The following OXCT1 variants were observed in gnomAD, a reference collection of about 807,000 sequenced individuals.
The protein encoded by OXCT1 is succinyl-CoA:3-ketoacid coenzyme A transferase 1, mitochondrial.
In OXCT1, 27 loss-of-function variants were observed where a neutral mutation model predicts 69.6. That is an observed-to-expected ratio of 0.39 (90% CI 0.29 to 0.54). The LOEUF (loss-of-function observed/expected upper bound fraction) is 0.54. OXCT1 is among the 20% of genes least tolerant of loss of function. OXCT1 has a pLI of 0.72. For missense variants in OXCT1, 437 were observed against 650.2 expected (o/e 0.67, Z 3.57); for synonymous variants, 202 against 217.8 (o/e 0.93, Z 0.64).
chr5:41,798,483 C>A (rs375566246), intron 11 of OXCT1, among the ~76,000 whole-genome samples: 4 of 152,156 alleles, frequency 2.6e-5, no homozygotes, highest in Admixed American at 6.5e-5. Context: ...AGATGTTACT[C>A]CCCCAGGTGT....
At chr5:41,848,711 T>A (rs894871293) in intron 5 of OXCT1, among the ~76,000 whole-genome samples, 12 of 151,748 alleles carry the variant, frequency 7.9e-5, no homozygotes, top group Non-Finnish European at 7.4e-5. Context: ...TAAATGGTGC[T>A]GGGAAAACTG....
At chr5:41,844,450 C>A (rs1473371190) in intron 5 of OXCT1, among the ~76,000 whole-genome samples, 1 of 151,978 alleles carries the variant, frequency 6.6e-6, no homozygotes, top group Non-Finnish European at 1.5e-5. Context: ...GCCAGATGCC[C>A]CTGGGTTTCT....
intron 14 of OXCT1, among the ~76,000 whole-genome samples, chr5:41,749,877 C>A (rs1743681081): frequency 6.6e-6 from 1 of 152,068 alleles, no homozygotes; most frequent in African/African-American, 2.4e-5. Context: ...CAAGCCTCAG[C>A]CCTTGTATCA....
chr5:41,778,068 G>A (rs1464623449), intron 13 of OXCT1, among the ~76,000 whole-genome samples: 2 of 152,140 alleles, frequency 1.3e-5, no homozygotes, highest in African/African-American at 4.8e-5. Flanking sequence ...AAGCTTATGA[G>A]GAGTCTGTGT....
chr5:41,837,320 G>A (rs1012714017), intron 7 of OXCT1, among the ~76,000 whole-genome samples: 5 of 151,440 alleles, frequency 3.3e-5, no homozygotes, highest in Admixed American at 6.6e-5. Context: ...AAAAAAAGAC[G>A]CCGTTGACTA....
chr5:41,832,894 A>G (rs1358999959), intron 7 of OXCT1, among the ~76,000 whole-genome samples: 1 of 152,218 alleles, frequency 6.6e-6, no homozygotes, highest in Admixed American at 6.5e-5. Flanking sequence ...TCTCTTAAAT[A>G]GCAGAACTGA....
chr5:41,869,171 G>A (rs1176871942), intron 1 of OXCT1, among the ~76,000 whole-genome samples: 1 of 152,176 alleles, frequency 6.6e-6, no homozygotes, highest in Non-Finnish European at 1.5e-5. Context: ...GTCCAGTTCT[G>A]AACCATTCCC....
rs540040167 is a variant in OXCT1 at position 41,803,284 on chromosome 5, A to G, written c.956-121T>C. 77 of 671,368 alleles carry G rather than the reference A, an allele frequency of 1.1e-4. No individual in the cohort carries two copies. In the African/African-American group the frequency reaches 1.2e-3, roughly 11 times the overall value. 41.6% of individuals were successfully genotyped at this position (671,368 alleles called of 1,614,324 possible). On this transcript the variant is annotated intron_variant, in intron 9 of 16. Coordinates refer to ENST00000196371, the MANE Select transcript of OXCT1 (RefSeq NM_000436.4). Reference sequence around the variant, plus strand: ...AAAGGTGGCTTACTCTGAATGTAATAAATGAATATATTCTCCAATCACCCA... The same window carrying G: ...AAAGGTGGCTTACTCTGAATGTAATGAATGAATATATTCTCCAATCACCCA...
chr5:41,760,230 A>G (rs1744281718), intron 14 of OXCT1, among the ~76,000 whole-genome samples: 2 of 152,132 alleles, frequency 1.3e-5, no homozygotes, highest in Admixed American at 6.5e-5. Context: ...GAAACTGTTG[A>G]TTATTTTTCA....
intron 13 of OXCT1, among the ~76,000 whole-genome samples, chr5:41,764,304 A>G (rs1338852566): frequency 6.6e-6 from 1 of 152,178 alleles, no homozygotes; most frequent in Non-Finnish European, 1.5e-5. Flanking sequence ...GAATAAGAAT[A>G]TCTGTCCTAC....
In OXCT1 at chr5:41,766,455, T is replaced by C. The variant is rs577272741; in HGVS notation, c.1249-4255A>G. Reference sequence around the variant, plus strand: ...AAGCTGAAATCAATAATTTCACCTATTTTGATCCTATTTCCTAATACTAGA... The same window carrying C: ...AAGCTGAAATCAATAATTTCACCTACTTTGATCCTATTTCCTAATACTAGA... On this transcript the variant is annotated intron_variant, in intron 13 of 16. Coordinates refer to ENST00000196371, the MANE Select transcript of OXCT1 (RefSeq NM_000436.4). Among the ~76,000 whole-genome samples, 446 of 152,214 alleles carry C rather than the reference T, an allele frequency of 2.9e-3. 3 individuals are homozygous for C. The highest frequency in any genetic ancestry group is 0.014 in the Middle Eastern group (4 of 294).
At position 41,783,903 on chromosome 5, in the gene OXCT1, A is replaced by G. The variant is rs79204194; in HGVS notation, c.1248+10100T>C. On this transcript the variant is annotated intron_variant, in intron 13 of 16. Transcript: ENST00000196371. ...GAAATATTTTCTTTCCTCCTAAAAA[A>G]GACTCAGGTAGCAATCAAAAGGCAA... Among the ~76,000 whole-genome samples, 1,216 of 152,298 alleles carry G rather than the reference A, an allele frequency of 8.0e-3. 17 individuals are homozygous for G. The highest frequency in any genetic ancestry group is 0.028 in the African/African-American group (1,153 of 41,566).
intron 3 of OXCT1, among the ~76,000 whole-genome samples, chr5:41,855,930 G>A (rs941185167): frequency 1.3e-5 from 2 of 152,158 alleles, no homozygotes; most frequent in Non-Finnish European, 2.9e-5. Context: ...GGGTGGAGGT[G>A]TAGAGAAAAA....
At chr5:41,767,722 G>GTATATA (rs367584226) in intron 13 of OXCT1, among the ~76,000 whole-genome samples, 6,160 of 89,392 alleles carry the variant, frequency 0.069, 259 homozygotes, top group African/African-American at 0.094. Context: ...ATATGTGTGT[G>GTATATA]TATATATATA....
intron 7 of OXCT1, among the ~76,000 whole-genome samples, chr5:41,823,473 C>A (rs1194395261): frequency 6.6e-6 from 1 of 152,160 alleles, no homozygotes; most frequent in Non-Finnish European, 1.5e-5. Context: ...TTTTCTACCC[C>A]AGGACTGGTT....
intron 7 of OXCT1, among the ~76,000 whole-genome samples, chr5:41,825,369 G>A (rs1204119847): frequency 6.6e-6 from 1 of 152,064 alleles, no homozygotes; most frequent in East Asian, 1.9e-4. Context: ...TTTCTTCATG[G>A]AATAAACCAC....
Position 41,853,633 on chromosome 5 carries a change from GTTAAT to G in OXCT1, c.279-84_279-80del, listed in dbSNP as rs778597345. The G allele has an allele frequency of 4.8e-6, 7 of 1,461,916 alleles. No homozygotes were observed. In the East Asian group the frequency reaches 1.7e-4, roughly 35 times the overall value. 90.6% of individuals were successfully genotyped at this position (1,461,916 alleles called of 1,614,324 possible). On this transcript the variant is annotated intron_variant, in intron 3 of 16. Transcript: ENST00000196371. ...CATCTTTTTAAAGAGATAAAACTTTGTTAATTTAAAGAAAAATAAATCCTTTCTTA... is the reference window on the plus strand; with the variant it reads ...CATCTTTTTAAAGAGATAAAACTTTGTTAAAGAAAAATAAATCCTTTCTTA...
intron 7 of OXCT1, among the ~76,000 whole-genome samples, chr5:41,827,700 G>A (rs1425010544): frequency 6.6e-6 from 1 of 152,118 alleles, no homozygotes; most frequent in East Asian, 1.9e-4. Context: ...AAAGCACATT[G>A]CTACCCTGGG....
chr5:41,860,934 C>T (rs550420848), intron 3 of OXCT1, among the ~76,000 whole-genome samples: 3 of 151,902 alleles, frequency 2.0e-5, no homozygotes, highest in Non-Finnish European at 2.9e-5. Context: ...TTGATGCCCA[C>T]CTTGCTTTAT....
Sources: gnomAD v4.1 joint callset for allele counts (sites outside exome capture counted in the v4.1 genomes callset) on GRCh38, gnomAD v4.1.1 for gene constraint, MANE v1.5 for transcripts, NCBI Gene and HGNC (gene_info 2026-07-23, HGNC 2026-07-21) for gene names.